Variants in KNDC1 observed in about 807,000 individuals in gnomAD.
KNDC1 encodes kinase non-catalytic C-lobe domain containing 1.
Under a neutral mutation model 172.8 loss-of-function variants are expected in KNDC1, and 106 were observed. That is an observed-to-expected ratio of 0.61 (90% CI 0.52 to 0.72). KNDC1 has a LOEUF of 0.72. KNDC1 is among the 30% of genes least tolerant of loss of function. The pLI, the probability that KNDC1 is intolerant of heterozygous loss-of-function variation, is 0.00. For missense variants in KNDC1, 2,325 were observed against 2,394.5 expected, an observed-to-expected ratio of 0.97 and a Z score of 0.61; for synonymous variants, 1,083 against 1,062.2, an observed-to-expected ratio of 1.02 and a Z score of -0.38.
At chr10:133,167,121 C>T in intron 1 of KNDC1, 1 of 530,990 alleles carries the variant, frequency 1.9e-6, no homozygotes, top group South Asian at 2.2e-5. Context: ...GGAGGAAGGC[C>T]CCGTGCCCAG....
At chr10:133,184,396 GCACACA>G (rs1002646850) in intron 5 of KNDC1, among the ~76,000 whole-genome samples, 1 of 69,596 alleles carries the variant, frequency 1.4e-5, no homozygotes, top group Non-Finnish European at 3.6e-5. Flanking sequence ...GCACACACAC[GCACACA>G]CGCACACACC....
intron 3 of KNDC1, among the ~76,000 whole-genome samples, chr10:133,182,986 C>T (rs903140051): frequency 2.8e-5 from 4 of 142,684 alleles, no homozygotes; most frequent in Non-Finnish European, 4.6e-5. Flanking sequence ...TGGGCACAGG[C>T]GGCGTGGGCA....
At chr10:133,220,876 C>A (rs1845573902) in intron 29 of KNDC1, among the ~76,000 whole-genome samples, 1 of 152,060 alleles carries the variant, frequency 6.6e-6, no homozygotes, top group Non-Finnish European at 1.5e-5. Flanking sequence ...TGGGCGCATG[C>A]CCAGGTGGGG....
Position 133,201,673 on chromosome 10 carries a change from A to G in KNDC1, c.3162A>G (p.Arg1054=). 1 of 1,612,724 alleles carries G rather than the reference A, an allele frequency of 6.2e-7. No individual in the cohort carries two copies. The highest frequency in any genetic ancestry group is 8.5e-7 in the Non-Finnish European group (1 of 1,179,906). The change falls in exon 17 of 30, where the codon AGA becomes AGG. Residue 1054 remains arginine, a synonymous_variant. Coordinates refer to ENST00000304613, the MANE Select transcript of KNDC1 (RefSeq NM_152643.8). ...AGCAGCCTGAGGCTGGCGAGGACAG[A>G]CGGCCAGCTGGCGGGGCCTCAGACG... ...RAQQPEAGED[R]RPAGGASDVE...
intron 29 of KNDC1, among the ~76,000 whole-genome samples, chr10:133,221,491 T>A (rs1845587403): frequency 6.6e-6 from 1 of 151,912 alleles, no homozygotes; most frequent in African/African-American, 2.4e-5. Flanking sequence ...GGCCTCACTC[T>A]CTCCCTCAAG....
intron 26 of KNDC1, among the ~76,000 whole-genome samples, chr10:133,217,847 C>T (rs565141907): frequency 6.6e-6 from 1 of 151,972 alleles, no homozygotes; most frequent in Admixed American, 6.6e-5. Flanking sequence ...GAGTCCAAGG[C>T]GGGCAGATCA....
intron 17 of KNDC1, 65 bp from the exon 18 acceptor site, chr10:133,206,620 G>C: frequency 7.3e-7 from 1 of 1,363,072 alleles, no homozygotes. Context: ...GGTGGGGCCT[G>C]GCCCTGGATG....
chr10:133,223,587 C>T (rs1432097984), intron 29 of KNDC1, among the ~76,000 whole-genome samples: 2 of 58,984 alleles, frequency 3.4e-5, no homozygotes, highest in Non-Finnish European at 6.1e-5. Context: ...ATGCTCTTCC[C>T]GGCGTGTGTG....
chr10:133,183,213 C>T (rs1198686593), intron 3 of KNDC1, 131 bp from the exon 4 acceptor site: 6 of 1,157,612 alleles, frequency 5.2e-6, no homozygotes, highest in East Asian at 2.7e-5. Context: ...AGCGTGGGCA[C>T]GGGTGCTGCT....
intron 12 of KNDC1, 141 bp downstream of exon 12, chr10:133,197,909 A>G (rs1854239619): frequency 2.8e-6 from 2 of 726,712 alleles, no homozygotes; most frequent in Admixed American, 4.7e-5. Flanking sequence ...AACGTGGCCC[A>G]TGCAGCCCAG....
chr10:133,219,930 G>C (rs1321180664), intron 28 of KNDC1, 25 bp from the exon 29 acceptor site: 2 of 1,543,902 alleles, frequency 1.3e-6, no homozygotes, highest in East Asian at 2.5e-5. Flanking sequence ...TCTCTCCCCG[G>C]CCCACGCCCC....
At position 133,198,492 on chromosome 10, in the gene KNDC1, G is replaced by A. The variant is rs1233975048; in HGVS notation, c.2062G>A (p.Val688Met). The change falls in exon 13 of 30, where the codon GTG becomes ATG. Residue 688 changes from valine (V) to methionine (M), a missense_variant. Val to Met is a conservative substitution (Grantham distance 21). Transcript: ENST00000304613. ...KPIVLAQNASVARDQPALAQE... is the reference protein window; with the variant it reads ...KPIVLAQNASMARDQPALAQE... ...CATTGTCCTCGCGCAGAACGCAAGT[G>A]TGGCCAGGTGAGCATCGTCCCCACA... is the stretch of plus-strand genomic sequence containing the variant. The A allele has an allele frequency of 3.1e-6, 5 of 1,601,338 alleles. No homozygotes were observed. Among genetic ancestry groups the A allele is most frequent in the South Asian group, 2.2e-5 (2 of 89,890 alleles).
At chr10:133,199,862 G>A (rs1315810597) in intron 15 of KNDC1, among the ~76,000 whole-genome samples, 1 of 152,134 alleles carries the variant, frequency 6.6e-6, no homozygotes, top group African/African-American at 2.4e-5. Context: ...TATGAGGCAG[G>A]GGCTCTCCGG....
At chr10:133,171,495 C>T (rs1411894552) in intron 3 of KNDC1, among the ~76,000 whole-genome samples, 2 of 152,208 alleles carry the variant, frequency 1.3e-5, no homozygotes, top group Non-Finnish European at 2.9e-5. Flanking sequence ...TGGTCTTGAA[C>T]TCCTGCCTTC....
chr10:133,212,608 C>T (rs1347625340), intron 23 of KNDC1, 108 bp from the exon 24 acceptor site: 3 of 893,068 alleles, frequency 3.4e-6, no homozygotes, highest in East Asian at 2.6e-5. Flanking sequence ...CTGAGGAGTA[C>T]TGGGCTTGCA....
rs1853898734 is a variant in KNDC1, at chr10:133,185,996, G to A, written c.648G>A (p.Arg216=). The change falls in exon 6 of 30, where the codon CGG becomes CGA. Residue 216 remains arginine, a synonymous_variant. Coordinates refer to ENST00000304613, the MANE Select transcript of KNDC1 (RefSeq NM_152643.8). ...ALQDVSESSW[R]ERPAPGNAGP... ...CAGATGTCAGCGAGAGCAGCTGGCG[G>A]GAGAGACCTGCCCCAGGAAACGCTG... The A allele has an allele frequency of 1.3e-6, 2 of 1,521,430 alleles. No homozygotes were observed. Among genetic ancestry groups the A allele is most frequent in the Non-Finnish European group, 1.8e-6 (2 of 1,128,270 alleles). The allele number at this position is 1,521,430 out of a possible 1,614,324, so 94.2% of individuals were successfully genotyped here. A position where few individuals can be genotyped will look rare whatever the true frequency, so the allele number is the denominator to read the frequency against.
At chr10:133,211,134 T>TG (rs1845354214) in intron 21 of KNDC1, among the ~76,000 whole-genome samples, 2 of 151,460 alleles carry the variant, frequency 1.3e-5, no homozygotes, top group African/African-American at 4.9e-5. Context: ...AGGAGAGGGG[T>TG]GGTGGGCTGA....
intron 26 of KNDC1, among the ~76,000 whole-genome samples, chr10:133,218,072 A>T (rs1460165396): frequency 1.3e-5 from 2 of 152,022 alleles, no homozygotes; most frequent in African/African-American, 4.8e-5. Flanking sequence ...AAAAAAAAAA[A>T]AAAAGAGTCG....
intron 3 of KNDC1, among the ~76,000 whole-genome samples, chr10:133,175,050 G>T (rs1309677991): frequency 6.6e-6 from 1 of 150,688 alleles, no homozygotes; most frequent in Non-Finnish European, 1.5e-5. Context: ...TAGATATGTG[G>T]ATGGATGGGT....
Sources: allele counts gnomAD v4.1 joint callset (sites outside exome capture counted in the v4.1 genomes callset), GRCh38; gene constraint gnomAD v4.1.1; transcripts MANE v1.5; gene names NCBI Gene and HGNC (gene_info 2026-07-23, HGNC 2026-07-21).